ZNF777: variants seen among roughly 807,000 people sequenced by gnomAD.
ZNF777 encodes zinc finger protein 777.
In ZNF777, 7 loss-of-function variants were observed where a neutral mutation model predicts 72.1. The observed-to-expected ratio is 0.10, with a 90% confidence interval of 0.06 to 0.18. The LOEUF is 0.18. Ranked by LOEUF, ZNF777 falls within the 10% of genes least tolerant of loss-of-function variation. ZNF777 has a pLI of 1.00. For missense variants in ZNF777, 828 were observed against 1,128.6 expected (o/e 0.73, Z 3.82); for synonymous variants, 545 against 483.5 (o/e 1.13, Z -1.67).
At position 149,436,440 on chromosome 7, in the gene ZNF777, G is replaced by T; in HGVS notation, c.1339+135C>A. ...GGAGCCTATACTCGAGGCCGTGCTT[G>T]GTAATTCTTTCCCACCTGTTGCCCC... On this transcript the variant is annotated intron_variant, in intron 5 of 5. Transcript: ENST00000247930. The surrounding 1 kb of genome is among the most constrained non-coding windows in gnomAD (Gnocchi z 5.0). 1.9e-6 allele frequency: 2 copies of T among 1,066,406 alleles called. No individual in the cohort carries two copies. The highest frequency in any genetic ancestry group is 2.7e-6 in the Non-Finnish European group (2 of 742,166). The allele number at this position is 1,066,406 out of a possible 1,614,324, so 66.1% of individuals were successfully genotyped here.
chr7:149,440,055 T>C (rs1395993860), intron 4 of ZNF777, among the ~76,000 whole-genome samples: 1 of 152,218 alleles, frequency 6.6e-6, no homozygotes, highest in Non-Finnish European at 1.5e-5. Context: ...AGCTTTGTTA[T>C]GGAACTGTCA....
Position 149,455,971 on chromosome 7 carries a change from C to T in ZNF777, c.52G>A (p.Glu18Lys), listed in dbSNP as rs1254715358. The part of the protein sequence containing the change: ...PLSFPSVPQE[E>K]TLRQAPAGLP... The stretch of plus-strand genomic sequence containing the variant: ...CCAGCAGGGGCCTGACGTAAGGTTT[C>T]TTCTTGTGGAACACTGGGGAACGAC... The change falls in exon 2 of 6, where the codon GAA becomes AAA. Residue 18 changes from glutamate (E) to lysine (K), a missense_variant. By Grantham distance (56) the Glu-to-Lys change is moderately conservative. This residue lies in a region of ZNF777 where 222 missense variants were observed against 211.2 expected (regional missense o/e 1.05). Coordinates refer to ENST00000247930, the MANE Select transcript of ZNF777 (RefSeq NM_015694.3). This position sits in a 1 kb window ranked among gnomAD's most constrained non-coding sequence, Gnocchi z 4.2. 6.2e-7 allele frequency: 1 copy of T among 1,610,230 alleles called. No homozygotes were observed. The highest frequency in any genetic ancestry group is 1.3e-5 in the African/African-American group (1 of 74,722).
At chr7:149,456,079 G>C (rs1487996619) in intron 1 of ZNF777, 42 bp from the exon 2 acceptor site, 1 of 1,507,246 alleles carries the variant, frequency 6.6e-7, no homozygotes, top group African/African-American at 1.4e-5. Flanking sequence ...AAAGGCCACA[G>C]TCTCCAGCTA....
At chr7:149,446,663 CA>C (rs547404826) in intron 4 of ZNF777, among the ~76,000 whole-genome samples, 162 of 152,220 alleles carry the variant, frequency 1.1e-3, no homozygotes, top group Non-Finnish European at 1.9e-3. Flanking sequence ...TTCCCATCAA[CA>C]TTTCAAACAA....
At position 149,455,333 on chromosome 7, in the gene ZNF777, G is replaced by C; in HGVS notation, c.690C>G (p.Phe230Leu). Residue 230 changes from phenylalanine to leucine, a missense_variant, in exon 2 of 6, where the codon TTC becomes TTG. Phe to Leu is a conservative substitution (Grantham distance 22). Coordinates refer to ENST00000247930, the MANE Select transcript of ZNF777 (RefSeq NM_015694.3). The surrounding 1 kb of genome is among the most constrained non-coding windows in gnomAD (Gnocchi z 4.2). Reference protein sequence around the residue: ...IADCEKTAVEFANHLESKWVV... With the variant: ...IADCEKTAVELANHLESKWVV... Reference sequence around the variant, plus strand: ...CCCACTTGCTCTCCAGATGGTTCGCGAACTCCACGGCTGTCTTCTCGCAGT... The same window carrying C: ...CCCACTTGCTCTCCAGATGGTTCGCCAACTCCACGGCTGTCTTCTCGCAGT... 6.2e-7 allele frequency: 1 copy of C among 1,614,190 alleles called. No homozygotes were observed. The highest frequency in any genetic ancestry group is 1.1e-5 in the South Asian group (1 of 91,086).
At position 149,432,424 on chromosome 7, in the gene ZNF777, C is replaced by A. The variant is rs773702921; in HGVS notation, c.1848G>T (p.Ala616=). The A allele has an allele frequency of 8.1e-6, 13 of 1,613,298 alleles. No homozygotes were observed. Among genetic ancestry groups the A allele is most frequent in the South Asian group, 1.1e-5 (1 of 91,074 alleles). Residue 616 remains alanine, a synonymous_variant, in exon 6 of 6, where the codon GCG becomes GCT. Coordinates refer to ENST00000247930, the MANE Select transcript of ZNF777 (RefSeq NM_015694.3). Reference sequence around the variant, plus strand: ...TGGGTGACTTGGGACGCGGCTTGAGCGCGTGCTTGGGGTTGAACGTGGGCC... The same window carrying A: ...TGGGTGACTTGGGACGCGGCTTGAGAGCGTGCTTGGGGTTGAACGTGGGCC... The part of the protein sequence containing the change: ...ERGPTFNPKH[A]LKPRPKSPSS...
intron 5 of ZNF777, among the ~76,000 whole-genome samples, chr7:149,435,306 G>A (rs1263164435): frequency 1.3e-5 from 2 of 152,226 alleles, no homozygotes; most frequent in African/African-American, 2.4e-5. Context: ...AAGGAGCTGA[G>A]ACTACAGGCA....
intron 5 of ZNF777, among the ~76,000 whole-genome samples, chr7:149,434,686 G>A (rs1046462035): frequency 6.6e-6 from 1 of 151,968 alleles, no homozygotes; most frequent in African/African-American, 2.4e-5. Context: ...GGGTTCAAGC[G>A]ATTCTCGTGC....
In ZNF777 at chr7:149,451,084, C is replaced by G; in HGVS notation, c.1002G>C (p.Met334Ile). The change falls in exon 4 of 6, where the codon ATG (methionine) becomes ATC (isoleucine). Residue 334 changes from methionine (M) to isoleucine (I), a missense_variant. Around this residue, in one of 12 missense-constraint regions of ZNF777, gnomAD observed 73 missense variants for 90.6 expected, o/e 0.81. Coordinates refer to ENST00000247930, the MANE Select transcript of ZNF777 (RefSeq NM_015694.3). Reference sequence around the variant, plus strand: ...GCCGCTCCCCGCGCTCCATCTGTGACATGAGGTCTGGTTTGGAAATTGCAT... The same window carrying G: ...GCCGCTCCCCGCGCTCCATCTGTGAGATGAGGTCTGGTTTGGAAATTGCAT... Reference protein sequence around the residue: ...MDYAISKPDLMSQMERGERPT... With the variant: ...MDYAISKPDLISQMERGERPT... 6.2e-7 allele frequency: 1 copy of G among 1,613,988 alleles called. No individual in the cohort carries two copies. The highest frequency in any genetic ancestry group is 8.5e-7 in the Non-Finnish European group (1 of 1,180,016).
At chr7:149,449,206 T>C (rs1449272466) in intron 4 of ZNF777, among the ~76,000 whole-genome samples, 2 of 152,160 alleles carry the variant, frequency 1.3e-5, no homozygotes, top group Admixed American at 6.5e-5. Context: ...GGGGCAGCGG[T>C]ACCTATGTCC....
At chr7:149,459,475 G>C (rs1293126183) in intron 1 of ZNF777, among the ~76,000 whole-genome samples, 1 of 152,158 alleles carries the variant, frequency 6.6e-6, no homozygotes, top group Non-Finnish European at 1.5e-5. Context: ...TCCCACCGCG[G>C]AGATGCCCAG....
rs1383543554 is a variant in ZNF777 at position 149,431,642 on chromosome 7, C to A, written c.*134G>T. On this transcript the variant is annotated 3_prime_UTR_variant, in exon 6 of 6. Transcript: ENST00000247930. ...GCCCCCATGTCCTTGGGAGGAGGGA[C>A]GAGAGGAGAGGGGGAGCTCACGGCA... 1 of 851,574 alleles carries A rather than the reference C, an allele frequency of 1.2e-6. No homozygotes were observed. Among genetic ancestry groups the A allele is most frequent in the Non-Finnish European group, 1.6e-6 (1 of 623,678 alleles). 52.8% of individuals were successfully genotyped at this position (851,574 alleles called of 1,614,324 possible). A position where few individuals can be genotyped will look rare whatever the true frequency, so the allele number is the denominator to read the frequency against.
intron 1 of ZNF777, chr7:149,459,543 G>T (rs989598348): frequency 1.3e-6 from 1 of 758,844 alleles, no homozygotes; most frequent in Non-Finnish European, 1.6e-6. Context: ...CTGCCAGGGC[G>T]GCCCAGCCCC....
Position 149,432,741 on chromosome 7 carries a change from G to T in ZNF777, c.1531C>A (p.Pro511Thr), listed in dbSNP as rs780727889. ...GAGGGCGCCAGCCTTTTCACTGCGG[G>T]GTTTCCTAGCTGCAGGGGCGGGGGG... is the stretch of plus-strand genomic sequence containing the variant. The part of the protein sequence containing the change: ...ESPPPLQLGN[P>T]AVKRLAPSVH... Residue 511 changes from proline (P) to threonine (T), a missense_variant, in exon 6 of 6, where the codon CCC (proline) becomes ACC (threonine). Pro to Thr is a conservative substitution (Grantham distance 38). Transcript: ENST00000247930. The T allele has an allele frequency of 2.5e-6, 4 of 1,611,638 alleles. No individual in the cohort carries two copies. Among genetic ancestry groups the T allele is most frequent in the Non-Finnish European group, 3.4e-6 (4 of 1,178,424 alleles).
At chr7:149,451,998 G>A (rs1332186980) in intron 3 of ZNF777, among the ~76,000 whole-genome samples, 1 of 152,214 alleles carries the variant, frequency 6.6e-6, no homozygotes, top group Non-Finnish European at 1.5e-5. Flanking sequence ...GGGCACAGTG[G>A]CTCACGCCTG....
chr7:149,460,292 G>A lies in ZNF777; in HGVS notation c.-16+523C>T, dbSNP rs1563242557. 3 of 158,882 alleles carry A rather than the reference G, an allele frequency of 1.9e-5. No homozygotes were observed. The highest frequency in any genetic ancestry group is 2.0e-4 in the East Asian group (1 of 5,008). The allele number at this position is 158,882 out of a possible 1,614,324, so 9.8% of individuals were successfully genotyped here. The stretch of plus-strand genomic sequence containing the variant: ...CCCTGTCTTCCCCGCCGGGGCTCGC[G>A]CGCGGCCGTCGGGCCCCGGCCTGCT... On this transcript the variant is annotated intron_variant, in intron 1 of 5. Coordinates refer to ENST00000247930, the MANE Select transcript of ZNF777 (RefSeq NM_015694.3). The surrounding 1 kb of genome is among the most constrained non-coding windows in gnomAD (Gnocchi z 6.1).
intron 5 of ZNF777, among the ~76,000 whole-genome samples, chr7:149,434,920 G>A (rs1425404777): frequency 2.0e-5 from 3 of 152,188 alleles, no homozygotes; most frequent in East Asian, 3.9e-4. Context: ...AATGGTAAAC[G>A]CCAAACATTT....
In ZNF777 at chr7:149,432,268, C is replaced by T. The variant is rs1799322227; in HGVS notation, c.2004G>A (p.Glu668=). Residue 668 remains glutamate (E), a synonymous_variant, in exon 6 of 6, where the codon GAG becomes GAA. Coordinates refer to ENST00000247930, the MANE Select transcript of ZNF777 (RefSeq NM_015694.3). Reference sequence around the variant, plus strand: ...TGTGCAGGCGGAAGCTCTTCTTGCACTCGGGGCACGTGTAGGGCCGCTCAC... The same window carrying T: ...TGTGCAGGCGGAAGCTCTTCTTGCATTCGGGGCACGTGTAGGGCCGCTCAC... ...HTGERPYTCP[E]CKKSFRLHIS... 3 of 1,607,670 alleles carry T rather than the reference C, an allele frequency of 1.9e-6. No individual in the cohort carries two copies. The highest frequency in any genetic ancestry group is 2.5e-6 in the Non-Finnish European group (3 of 1,179,178).
In ZNF777 at chr7:149,459,919, G is replaced by T. The variant is rs891942173; in HGVS notation, c.-16+896C>A. The T allele has an allele frequency of 8.2e-4, 785 of 955,980 alleles. 1 individual carries two copies. The highest frequency in any genetic ancestry group is 9.5e-4 in the Non-Finnish European group (767 of 803,948). 59.2% of individuals were successfully genotyped at this position (955,980 alleles called of 1,614,324 possible). Reference sequence around the variant, plus strand: ...GGCGTGAGAGCAGCCTCCCTCGCACGGACGGCGGCGAGGCCCGTAGCCCTC... The same window carrying T: ...GGCGTGAGAGCAGCCTCCCTCGCACTGACGGCGGCGAGGCCCGTAGCCCTC... On this transcript the variant is annotated intron_variant, in intron 1 of 5. Coordinates refer to ENST00000247930, the MANE Select transcript of ZNF777 (RefSeq NM_015694.3).
Sources: gnomAD v4.1 joint callset for allele counts (sites outside exome capture counted in the v4.1 genomes callset) on GRCh38, gnomAD v4.1.1 for gene constraint, gnomAD v4.1.1 regional missense constraint, Gnocchi (gnomAD v3.1) non-coding constraint, MANE v1.5 for transcripts, NCBI Gene and HGNC (gene_info 2026-07-23, HGNC 2026-07-21) for gene names.